Variants in PDGFRA observed in about 807,000 individuals in gnomAD.
PDGFRA encodes the protein platelet derived growth factor receptor alpha.
Under a neutral mutation model 121.5 loss-of-function variants are expected in PDGFRA, and 25 were observed. The ratio of observed to expected loss-of-function variants is 0.21; its 90% CI spans 0.15 to 0.29. The LOEUF is 0.29. PDGFRA is among the 10% of genes least tolerant of loss of function. The pLI, the probability that PDGFRA is intolerant of heterozygous loss-of-function variation, is 1.00. For missense variants in PDGFRA, 1,008 were observed against 1,345.1 expected (o/e 0.75, Z 3.92); for synonymous variants, 463 against 494.8 (o/e 0.94, Z 0.85).
chr4:54,288,853 A>T lies in PDGFRA; in HGVS notation c.2729A>T (p.Lys910Met), dbSNP rs1400850021. The change falls in exon 20 of 23, where the codon AAG (lysine) becomes ATG (methionine). Residue 910 changes from lysine to methionine, a missense_variant. Around this residue, in one of 5 missense-constraint regions of PDGFRA, gnomAD observed 204 missense variants for 243.0 expected, o/e 0.84. Transcript: ENST00000257290. ...GATTCTACTTTCTACAATAAGATCA[A>T]GAGTGGGTACCGGATGGCCAAGCCT... ...MVDSTFYNKI[K>M]SGYRMAKPDH... is the part of the protein sequence containing the mutation. 6.2e-7 allele frequency: 1 copy of T among 1,613,738 alleles called. No homozygotes were observed. The highest frequency in any genetic ancestry group is 8.5e-7 in the Non-Finnish European group (1 of 1,179,618).
At chr4:54,270,795 T>C (rs1380292070) in intron 8 of PDGFRA, 47 bp downstream of exon 8, 2 of 1,082,174 alleles carry the variant, frequency 1.8e-6, no homozygotes, top group Admixed American at 1.7e-5. Flanking sequence ...TAGATGAGTG[T>C]CTTCCAAGGA....
chr4:54,253,634 A>G (rs1722187964), intron 1 of PDGFRA, among the ~76,000 whole-genome samples: 1 of 152,188 alleles, frequency 6.6e-6, no homozygotes, highest in African/African-American at 2.4e-5. Flanking sequence ...GAAGAAATCT[A>G]GATGAAATCC....
At chr4:54,255,682 T>C (rs1471697761) in intron 1 of PDGFRA, among the ~76,000 whole-genome samples, 1 of 151,982 alleles carries the variant, frequency 6.6e-6, no homozygotes, top group Admixed American at 6.6e-5. Flanking sequence ...ATTTTTTGTA[T>C]TTTTAGTAGA....
chr4:54,249,272 T>C (rs917847403), intron 1 of PDGFRA, among the ~76,000 whole-genome samples: 11 of 152,134 alleles, frequency 7.2e-5, no homozygotes, highest in Non-Finnish European at 1.6e-4. Flanking sequence ...GACCCAGCAA[T>C]CCCATTACTG....
rs1195080356 is a variant in PDGFRA, at chr4:54,272,528, A to G, written c.1364+8A>G. 6.2e-7 allele frequency: 1 copy of G among 1,613,448 alleles called. No individual in the cohort carries two copies. Among genetic ancestry groups the G allele is most frequent in the South Asian group, 1.1e-5 (1 of 91,068 alleles). On this transcript the variant is annotated splice_region_variant and intron_variant, in intron 9 of 22. Coordinates refer to ENST00000257290, the MANE Select transcript of PDGFRA (RefSeq NM_006206.6). ...ATGCAAAGATATTAAGAAGTATGGA[A>G]AACAGATGTGTCTTCTTCTTTCGTG...
At chr4:54,233,806 G>T (rs1720848155) in intron 1 of PDGFRA, among the ~76,000 whole-genome samples, 1 of 152,254 alleles carries the variant, frequency 6.6e-6, no homozygotes, top group South Asian at 2.1e-4. Flanking sequence ...CCCCTCGCCA[G>T]CTCCCTTGCC....
At chr4:54,260,107 G>C (rs1335031902) in intron 2 of PDGFRA, among the ~76,000 whole-genome samples, 1 of 152,138 alleles carries the variant, frequency 6.6e-6, no homozygotes, top group East Asian at 1.9e-4. Flanking sequence ...CTTCGAAGAT[G>C]AACTTAGAGT....
intron 1 of PDGFRA, 81 bp from the exon 2 acceptor site, chr4:54,258,676 T>C: frequency 1.1e-6 from 1 of 872,268 alleles, no homozygotes; most frequent in Admixed American, 1.7e-5. Flanking sequence ...TATTTTCTGT[T>C]GTGCAAAACA....
At position 54,252,232 on chromosome 4, in the gene PDGFRA, G is replaced by T. The variant is rs1367850924; in HGVS notation, c.-12-6525G>T. 2.6e-5 allele frequency among the ~76,000 whole-genome samples: 4 copies of T among 152,126 alleles called. No individual in the cohort carries two copies. The East Asian group carries it at 7.7e-4, about 29-fold the overall frequency. On this transcript the variant is annotated intron_variant, in intron 1 of 22. Coordinates refer to ENST00000257290, the MANE Select transcript of PDGFRA (RefSeq NM_006206.6). Reference sequence around the variant, plus strand: ...TGGCTAGTGACCCCATATCAGCTTGGTTTTAACAATTACCCAGTTCATGGA... The same window carrying T: ...TGGCTAGTGACCCCATATCAGCTTGTTTTTAACAATTACCCAGTTCATGGA...
intron 16 of PDGFRA, among the ~76,000 whole-genome samples, chr4:54,284,343 C>T (rs1023801632): frequency 1.3e-5 from 2 of 152,158 alleles, no homozygotes; most frequent in African/African-American, 2.4e-5. Context: ...TTCCCCATTC[C>T]TTGATACCAA....
chr4:54,281,522 G>A (rs1445214134), intron 16 of PDGFRA: 22 of 1,180,900 alleles, frequency 1.9e-5, no homozygotes, highest in Middle Eastern at 2.2e-4. Context: ...GAGAGTTATC[G>A]GAACCAGTAC....
At chr4:54,271,017 C>T (rs1723322893) in intron 8 of PDGFRA, among the ~76,000 whole-genome samples, 4 of 152,102 alleles carry the variant, frequency 2.6e-5, no homozygotes, top group Admixed American at 2.6e-4. Context: ...CCATGTTGCT[C>T]AGGCTGGTCT....
At chr4:54,288,921 G>T in intron 20 of PDGFRA, 23 bp downstream of exon 20, 2 of 1,576,238 alleles carry the variant, frequency 1.3e-6, no homozygotes, top group Non-Finnish European at 1.7e-6. Flanking sequence ...CCCATCCCGG[G>T]GGCCTGTGTT....
At chr4:54,264,555 CAA>C (rs1052647406) in intron 4 of PDGFRA, 2 of 291,116 alleles carry the variant, frequency 6.9e-6, no homozygotes, top group Non-Finnish European at 1.3e-5. Context: ...TGGATAGAAA[CAA>C]AGTGTCTAGA....
chr4:54,242,060 C>A (rs976349701), intron 1 of PDGFRA, among the ~76,000 whole-genome samples: 10 of 152,126 alleles, frequency 6.6e-5, no homozygotes, highest in African/African-American at 2.4e-4. Flanking sequence ...ACTGACTTCC[C>A]TAGACTCCTT....
At chr4:54,264,721 G>A in intron 4 of PDGFRA, 198 bp from the exon 5 acceptor site, 2 of 531,452 alleles carry the variant, frequency 3.8e-6, no homozygotes, top group South Asian at 4.1e-5. Flanking sequence ...TTGTAATTCT[G>A]TATTATAACT....
intron 1 of PDGFRA, among the ~76,000 whole-genome samples, chr4:54,233,064 C>A (rs139813958): frequency 0.012 from 1,781 of 152,238 alleles, 15 homozygotes; most frequent in Non-Finnish European, 0.017. Context: ...GCTCTCCCCC[C>A]TCTCTCCACA....
intron 1 of PDGFRA, among the ~76,000 whole-genome samples, chr4:54,255,695 C>T (rs1405009385): frequency 6.6e-6 from 1 of 151,884 alleles, no homozygotes. Flanking sequence ...TTAGTAGAGA[C>T]AGGGTTTCAC....
intron 1 of PDGFRA, among the ~76,000 whole-genome samples, chr4:54,248,977 A>G (rs1391732809): frequency 6.6e-6 from 1 of 152,378 alleles, no homozygotes; most frequent in East Asian, 1.9e-4. Flanking sequence ...AATGCTCACC[A>G]TCACTGGCCA....
Sources: allele counts gnomAD v4.1 joint callset (sites outside exome capture counted in the v4.1 genomes callset), GRCh38; gene constraint gnomAD v4.1.1; regional missense constraint gnomAD v4.1.1; transcripts MANE v1.5; gene names NCBI Gene and HGNC (gene_info 2026-07-23, HGNC 2026-07-21).